The following GHR variants were observed in gnomAD, a reference collection of about 807,000 sequenced individuals.
GHR encodes growth hormone receptor.
GHR carries 35 observed loss-of-function variants against 67.1 expected under a neutral mutation model. The ratio of observed to expected loss-of-function variants is 0.52; its 90% confidence interval spans 0.40 to 0.69. The LOEUF (loss-of-function observed/expected upper bound fraction) is 0.69. Ranked by LOEUF, GHR falls within the 30% of genes least tolerant of loss-of-function variation. The pLI, the probability that GHR is intolerant of heterozygous loss-of-function variation, is 0.00. For missense variants in GHR, 792 were observed against 764.6 expected (o/e 1.04, Z -0.42); for synonymous variants, 272 against 269.1 (o/e 1.01, Z -0.10).
At chr5:42,487,415 C>T (rs888356728) in intron 1 of GHR, among the ~76,000 whole-genome samples, 1 of 152,198 alleles carries the variant, frequency 6.6e-6, no homozygotes, top group South Asian at 2.1e-4. Flanking sequence ...AAAAGCTCTA[C>T]ATTTAATTCC....
chr5:42,465,475 C>T (rs1744684047), intron 1 of GHR: 2 of 1,582,718 alleles, frequency 1.3e-6, no homozygotes, highest in Non-Finnish European at 1.7e-6. Flanking sequence ...CCTCTTTTAC[C>T]TCTTCAACTT....
chr5:42,564,296 AAGTGTGAGATTTATTTGAAAT>A, intron 1 of GHR, among the ~76,000 whole-genome samples: 1 of 135,162 alleles, frequency 7.4e-6, no homozygotes, highest in Non-Finnish European at 1.6e-5. Flanking sequence ...AAATCTCACA[AAGTGTGAGATTTATTTGAAAT>A]CTCACAATGT....
chr5:42,455,399 C>T (rs1012808899), intron 1 of GHR, among the ~76,000 whole-genome samples: 1 of 152,150 alleles, frequency 6.6e-6, no homozygotes, highest in African/African-American at 2.4e-5. Context: ...TATGTTAGCC[C>T]TGCCTGCTAT....
chr5:42,454,822 C>T (rs540910567), intron 1 of GHR, among the ~76,000 whole-genome samples: 5 of 152,170 alleles, frequency 3.3e-5, no homozygotes, highest in Non-Finnish European at 7.3e-5. Flanking sequence ...TCAGGCCACA[C>T]CCCTCCCTGT....
At chr5:42,496,472 C>T (rs1346790254) in intron 1 of GHR, among the ~76,000 whole-genome samples, 1 of 151,950 alleles carries the variant, frequency 6.6e-6, no homozygotes, top group Non-Finnish European at 1.5e-5. Context: ...GATGAAGATC[C>T]ATAGAGAGAT....
intron 1 of GHR, among the ~76,000 whole-genome samples, chr5:42,425,839 T>C (rs921062231): frequency 6.6e-6 from 1 of 152,210 alleles, no homozygotes; most frequent in Non-Finnish European, 1.5e-5. Flanking sequence ...GGAGTAAATA[T>C]ATCACAGTGA....
chr5:42,645,110 T>C (rs564084453), intron 3 of GHR, among the ~76,000 whole-genome samples: 1 of 152,360 alleles, frequency 6.6e-6, no homozygotes, highest in South Asian at 2.1e-4. Flanking sequence ...GAGTTCTAGC[T>C]AACTGGATAT....
rs1419998898 is a variant in GHR, at chr5:42,423,543, C to T, written c.-424C>T. ...GGCACTCGGCCTCTCCGCAGCAGTTCTCGAACTGGCCTCCTTGAACGTCCG... is the reference window on the plus strand; with the variant it reads ...GGCACTCGGCCTCTCCGCAGCAGTTTTCGAACTGGCCTCCTTGAACGTCCG... On this transcript the variant is annotated 5_prime_UTR_variant, in exon 1 of 10. Transcript: ENST00000230882. Among the ~76,000 whole-genome samples, 1 of 152,204 alleles carries T rather than the reference C, an allele frequency of 6.6e-6. No individual in the cohort carries two copies. Among genetic ancestry groups the T allele is most frequent in the Admixed American group, 6.5e-5 (1 of 15,292 alleles).
chr5:42,610,264 C>G (rs904048589), intron 2 of GHR, among the ~76,000 whole-genome samples: 1 of 152,150 alleles, frequency 6.6e-6, no homozygotes, highest in African/African-American at 2.4e-5. Context: ...ACACCATTGG[C>G]AATGAACTGA....
At chr5:42,526,293 A>G (rs1171378288) in intron 1 of GHR, among the ~76,000 whole-genome samples, 1 of 152,256 alleles carries the variant, frequency 6.6e-6, no homozygotes, top group Non-Finnish European at 1.5e-5. Context: ...AGCCTAATCC[A>G]GAGCAAGGCC....
intron 4 of GHR, among the ~76,000 whole-genome samples, chr5:42,693,129 C>T (rs549242530): frequency 3.7e-5 from 5 of 135,672 alleles, no homozygotes; most frequent in South Asian, 5.3e-4. Context: ...ATCTCTCATT[C>T]AAGCATATGC....
chr5:42,442,770 C>G (rs1455758694), intron 1 of GHR, among the ~76,000 whole-genome samples: 1 of 152,124 alleles, frequency 6.6e-6, no homozygotes, highest in Non-Finnish European at 1.5e-5. Flanking sequence ...AACATATTAG[C>G]AATGTGAAAT....
chr5:42,654,050 C>T (rs954750031), intron 3 of GHR, among the ~76,000 whole-genome samples: 2 of 152,032 alleles, frequency 1.3e-5, no homozygotes, highest in Non-Finnish European at 2.9e-5. Context: ...CTCTTCTATG[C>T]TTTTATTTTT....
chr5:42,704,105 T>C (rs566125181), intron 6 of GHR, among the ~76,000 whole-genome samples: 1 of 152,110 alleles, frequency 6.6e-6, no homozygotes, highest in East Asian at 1.9e-4. Flanking sequence ...TTACATTGAA[T>C]AAAAATGGCA....
intron 3 of GHR, among the ~76,000 whole-genome samples, chr5:42,638,404 G>A (rs781407112): frequency 2.0e-5 from 3 of 152,114 alleles, no homozygotes; most frequent in Non-Finnish European, 4.4e-5. Context: ...GTGGGGATAG[G>A]TTCTAAGAAA....
chr5:42,485,832 G>A (rs1044789661), intron 1 of GHR, among the ~76,000 whole-genome samples: 7 of 152,260 alleles, frequency 4.6e-5, no homozygotes, highest in East Asian at 3.9e-4. Flanking sequence ...CCAACTTCAC[G>A]TAAGTGCTAG....
intron 6 of GHR, among the ~76,000 whole-genome samples, chr5:42,709,168 T>C (rs947475863): frequency 6.6e-6 from 1 of 152,164 alleles, no homozygotes; most frequent in African/African-American, 2.4e-5. Context: ...AGGATCTTGC[T>C]CTGTCCCCAG....
chr5:42,523,992 C>T (rs1364147933), intron 1 of GHR, among the ~76,000 whole-genome samples: 1 of 152,212 alleles, frequency 6.6e-6, no homozygotes. Context: ...GCATGTGGAA[C>T]TGTAAGTCCC....
chr5:42,607,667 G>A (rs963371460), intron 2 of GHR, among the ~76,000 whole-genome samples: 14 of 152,174 alleles, frequency 9.2e-5, no homozygotes, highest in East Asian at 3.8e-4. Flanking sequence ...GGTCAGGAAG[G>A]CTGCATGGAA....
Sources: gnomAD v4.1 joint callset for allele counts (sites outside exome capture counted in the v4.1 genomes callset) on GRCh38, gnomAD v4.1.1 for gene constraint, MANE v1.5 for transcripts, NCBI Gene and HGNC (gene_info 2026-07-23, HGNC 2026-07-21) for gene names.